The following KCNQ3 variants were observed in gnomAD, a reference collection of about 807,000 sequenced individuals.
KCNQ3 encodes the protein potassium voltage-gated channel subfamily KQT member 3.
Under a neutral mutation model 92.5 loss-of-function variants are expected in KCNQ3, and 30 were observed. The observed-to-expected ratio is 0.32, with a 90% CI of 0.24 to 0.44. KCNQ3 has a LOEUF of 0.44. Ranked by LOEUF, KCNQ3 falls within the 20% of genes least tolerant of loss-of-function variation. The probability of loss-of-function intolerance (pLI) is 1.00; values close to 1 mark genes in which losing one functional copy is unlikely to be tolerated. For synonymous variants in KCNQ3, 450 were observed against 468.8 expected (o/e 0.96, Z 0.52); for missense variants, 913 against 1,140.3 (o/e 0.80, Z 2.87).
At chr8:132,247,727 G>A (rs1387720892) in intron 1 of KCNQ3, among the ~76,000 whole-genome samples, 2 of 151,838 alleles carry the variant, frequency 1.3e-5, no homozygotes, top group East Asian at 3.9e-4. Flanking sequence ...GAACCCAGGA[G>A]GCGGAGGATG....
At chr8:132,416,306 G>A (rs1820805978) in intron 1 of KCNQ3, among the ~76,000 whole-genome samples, 2 of 152,014 alleles carry the variant, frequency 1.3e-5, no homozygotes, top group South Asian at 4.1e-4. Flanking sequence ...TCTTCTCTTT[G>A]GAATTCCAAA....
rs1318965068 is a variant in KCNQ3, at chr8:132,168,715, ATATGTGTGTG to A, written c.1235+1609_1235+1618del. ...TAGAAAGAGAAATTGAGGATAATGA[ATATGTGTGTG>A]TGTGTGTGTGTGTGTGTGTGTGTGT... On this transcript the variant is annotated intron_variant, in intron 8 of 14. Coordinates refer to ENST00000388996, the MANE Select transcript of KCNQ3 (RefSeq NM_004519.4). Among the ~76,000 whole-genome samples the A allele has an allele frequency of 3.2e-3, 430 of 134,504 alleles. 9 individuals carry two copies. Among genetic ancestry groups the A allele is most frequent in the African/African-American group, 0.012 (408 of 35,244 alleles). 88.2% of individuals were successfully genotyped at this position (134,504 alleles called of 152,430 possible).
chr8:132,423,280 A>G (rs1821020165), intron 1 of KCNQ3, among the ~76,000 whole-genome samples: 2 of 152,196 alleles, frequency 1.3e-5, no homozygotes, highest in Admixed American at 1.3e-4. Context: ...AAAGTTGCCC[A>G]CCAAACAGGC....
chr8:132,316,388 C>T (rs755863981), intron 1 of KCNQ3, among the ~76,000 whole-genome samples: 15 of 152,138 alleles, frequency 9.9e-5, no homozygotes, highest in African/African-American at 7.2e-5. Context: ...CAGATAGACC[C>T]GGTTAGAATA....
chr8:132,184,298 G>A lies in KCNQ3; in HGVS notation c.547C>T (p.Arg183Ter). The A allele has an allele frequency of 1.2e-6, 2 of 1,614,112 alleles. No individual in the cohort carries two copies. Among genetic ancestry groups the A allele is most frequent in the Non-Finnish European group, 1.7e-6 (2 of 1,180,026 alleles). Residue 183 changes from arginine (R) to a stop codon, truncating the protein, a stop_gained, in exon 3 of 15, where the codon CGA becomes TGA. Transcript: ENST00000388996. LOFTEE classifies it high-confidence loss of function. ...LRIWAAGCCC[R>*]YKGWRGRLKF... is the part of the protein sequence containing the mutation. ...AGTCGGCCCCGCCAGCCTTTGTATCGGCAGCAACATCCAGCAGCCCAGATC... is the reference window on the plus strand; with the variant it reads ...AGTCGGCCCCGCCAGCCTTTGTATCAGCAGCAACATCCAGCAGCCCAGATC...
chr8:132,184,087 C>A (rs1826878857), intron 3 of KCNQ3, among the ~76,000 whole-genome samples, 154 bp downstream of exon 3: 1 of 152,206 alleles, frequency 6.6e-6, no homozygotes, highest in Non-Finnish European at 1.5e-5. Flanking sequence ...AGAAGGTTGA[C>A]ACTGTCCCTT....
chr8:132,166,725 A>T (rs189522877), intron 8 of KCNQ3, among the ~76,000 whole-genome samples: 191 of 152,334 alleles, frequency 1.3e-3, no homozygotes, highest in Admixed American at 2.5e-3. Flanking sequence ...CATCACTGCT[A>T]GCCCCCAAAA....
At chr8:132,180,435 A>C in intron 3 of KCNQ3, 106 bp from the exon 4 acceptor site, 1 of 1,211,662 alleles carries the variant, frequency 8.3e-7, no homozygotes, top group Non-Finnish European at 1.2e-6. Flanking sequence ...GCATGTGCCA[A>C]GCAGTGGGAC....
chr8:132,305,117 G>A (rs921639094), intron 1 of KCNQ3, among the ~76,000 whole-genome samples: 3 of 152,178 alleles, frequency 2.0e-5, no homozygotes, highest in African/African-American at 7.2e-5. Flanking sequence ...TTCTGATAGA[G>A]TTTGGTTAAT....
intron 1 of KCNQ3, among the ~76,000 whole-genome samples, chr8:132,415,243 A>T (rs1820764523): frequency 6.6e-6 from 1 of 152,158 alleles, no homozygotes; most frequent in Admixed American, 6.5e-5. Flanking sequence ...TCTGCTCCTC[A>T]GCCTGATGTC....
chr8:132,295,849 C>A (rs545992024), intron 1 of KCNQ3, among the ~76,000 whole-genome samples: 100 of 152,118 alleles, frequency 6.6e-4, no homozygotes, highest in African/African-American at 2.4e-3. Context: ...CACATGGACA[C>A]AGGGAGGGGA....
At chr8:132,433,584 A>G (rs1225507600) in intron 1 of KCNQ3, among the ~76,000 whole-genome samples, 1 of 152,230 alleles carries the variant, frequency 6.6e-6, no homozygotes, top group East Asian at 1.9e-4. Context: ...TTTTGTTAGT[A>G]TAGATTTTAA....
At chr8:132,276,679 A>G (rs1243227868) in intron 1 of KCNQ3, among the ~76,000 whole-genome samples, 1 of 152,160 alleles carries the variant, frequency 6.6e-6, no homozygotes, top group Non-Finnish European at 1.5e-5. Context: ...TTGAAATATC[A>G]TAACAATCCT....
intron 1 of KCNQ3, among the ~76,000 whole-genome samples, chr8:132,474,098 T>G (rs1474286483): frequency 6.6e-6 from 1 of 152,220 alleles, no homozygotes; most frequent in Middle Eastern, 3.4e-3. Context: ...ATGAGATGAA[T>G]GCCAAGATGA....
Position 132,178,822 on chromosome 8 carries a change from G to T in KCNQ3, c.777+1335C>A, listed in dbSNP as rs547737951. ...TAAGGAAAACTCTAAGCTCCTTAAT[G>T]TCAAATTGCCCAGGGCTCACTGCCT... On this transcript the variant is annotated intron_variant, in intron 4 of 14. Transcript: ENST00000388996. Among the ~76,000 whole-genome samples the T allele has an allele frequency of 2.0e-4, 30 of 151,752 alleles. No homozygotes were observed. The South Asian group carries it at 5.5e-3, about 28-fold the overall frequency.
chr8:132,423,279 C>A (rs532107410), intron 1 of KCNQ3, among the ~76,000 whole-genome samples: 4 of 152,292 alleles, frequency 2.6e-5, no homozygotes, highest in Middle Eastern at 3.4e-3. Flanking sequence ...TAAAGTTGCC[C>A]ACCAAACAGG....
At chr8:132,207,412 A>C (rs1189960313) in intron 1 of KCNQ3, among the ~76,000 whole-genome samples, 1 of 152,242 alleles carries the variant, frequency 6.6e-6, no homozygotes, top group African/African-American at 2.4e-5. Context: ...CAAAGGACTA[A>C]GCCACTTCTT....
intron 1 of KCNQ3, among the ~76,000 whole-genome samples, chr8:132,479,897 G>A (rs1029845683): frequency 1.3e-5 from 2 of 149,400 alleles, no homozygotes; most frequent in African/African-American, 4.9e-5. Flanking sequence ...AATCAGCAGG[G>A]GAACCACGCT....
At chr8:132,207,921 T>TA (rs762571946) in intron 1 of KCNQ3, among the ~76,000 whole-genome samples, 3,905 of 103,840 alleles carry the variant, frequency 0.038, 116 homozygotes, top group African/African-American at 0.093. Flanking sequence ...TGAGAGAGAT[T>TA]AAAAAAAAAA....
Sources: gnomAD v4.1 joint callset for allele counts (sites outside exome capture counted in the v4.1 genomes callset) on GRCh38, gnomAD v4.1.1 for gene constraint, MANE v1.5 for transcripts, NCBI Gene and HGNC (gene_info 2026-07-23, HGNC 2026-07-21) for gene names.